The following CSMD3 variants were observed in gnomAD, a reference collection of about 807,000 sequenced individuals.
The protein encoded by CSMD3 is CUB and sushi domain-containing protein 3.
In CSMD3, 177 loss-of-function variants were observed where a neutral mutation model predicts 435.2. That is an observed-to-expected ratio of 0.41 (90% CI 0.36 to 0.46). The LOEUF (loss-of-function observed/expected upper bound fraction) is 0.46, where lower values mean the gene tolerates loss of function less well. Ranked by LOEUF, CSMD3 falls within the 20% of genes least tolerant of loss-of-function variation. The pLI, the probability that CSMD3 is intolerant of heterozygous loss-of-function variation, is 0.34. For synonymous variants in CSMD3, 1,656 were observed against 1,520.5 expected, an observed-to-expected ratio of 1.09 and a Z score of -2.07; for missense variants, 4,265 against 4,504.6, an observed-to-expected ratio of 0.95 and a Z score of 1.52.
At chr8:112,912,573 T>C (rs1022651243) in intron 10 of CSMD3, among the ~76,000 whole-genome samples, 1 of 151,944 alleles carries the variant, frequency 6.6e-6, no homozygotes, top group Non-Finnish European at 1.5e-5. Context: ...TCAAATGGAT[T>C]AAATAGTTAA....
intron 61 of CSMD3, among the ~76,000 whole-genome samples, chr8:112,263,080 C>T (rs1816579849): frequency 1.3e-5 from 2 of 149,762 alleles, no homozygotes; most frequent in Admixed American, 6.7e-5. Context: ...GTTTTGTGTT[C>T]TTCCAAATTA....
At chr8:112,686,419 ATGAC>A (rs2076012333) in intron 14 of CSMD3, among the ~76,000 whole-genome samples, 1 of 152,188 alleles carries the variant, frequency 6.6e-6, no homozygotes, top group African/African-American at 2.4e-5. Context: ...AGAAAAGAAA[ATGAC>A]ATACTACTCA....
At chr8:112,823,894 C>T (rs1046865466) in intron 12 of CSMD3, among the ~76,000 whole-genome samples, 2 of 152,000 alleles carry the variant, frequency 1.3e-5, no homozygotes, top group Non-Finnish European at 2.9e-5. Flanking sequence ...TTCTCTCTCA[C>T]TGATATATCT....
At chr8:113,378,106 TAGAC>T (rs1290315140) in intron 1 of CSMD3, among the ~76,000 whole-genome samples, 1 of 152,132 alleles carries the variant, frequency 6.6e-6, no homozygotes, top group Non-Finnish European at 1.5e-5. Flanking sequence ...TAATATAACA[TAGAC>T]AGAAAACATC....
At chr8:112,988,708 G>T (rs1347689686) in intron 6 of CSMD3, among the ~76,000 whole-genome samples, 1 of 151,860 alleles carries the variant, frequency 6.6e-6, no homozygotes, top group African/African-American at 2.4e-5. Context: ...TTTTTTCCCA[G>T]TCACACATCA....
At chr8:112,364,078 C>A (rs1827518620) in intron 38 of CSMD3, among the ~76,000 whole-genome samples, 1 of 151,918 alleles carries the variant, frequency 6.6e-6, no homozygotes, top group South Asian at 2.1e-4. Context: ...TCATTAAGAA[C>A]TAATGCATTA....
chr8:112,604,890 A>T (rs1832671565), intron 22 of CSMD3, among the ~76,000 whole-genome samples: 1 of 151,980 alleles, frequency 6.6e-6, no homozygotes, highest in African/African-American at 2.4e-5. Context: ...CATGAATCTG[A>T]CAAAGGTCTA....
chr8:112,655,972 G>A (rs192872541), intron 18 of CSMD3, among the ~76,000 whole-genome samples, 182 bp downstream of exon 18: 1 of 152,054 alleles, frequency 6.6e-6, no homozygotes, highest in East Asian at 1.9e-4. Flanking sequence ...GATAGATATT[G>A]CTGGAAAATC....
chr8:113,330,698 G>A (rs1422910674), intron 1 of CSMD3, among the ~76,000 whole-genome samples: 1 of 151,680 alleles, frequency 6.6e-6, no homozygotes, highest in African/African-American at 2.4e-5. Flanking sequence ...AGAGGTAAAT[G>A]AATACTTTTA....
At chr8:112,480,808 C>G (rs946003317) in intron 31 of CSMD3, among the ~76,000 whole-genome samples, 3 of 152,172 alleles carry the variant, frequency 2.0e-5, no homozygotes, top group Admixed American at 1.3e-4. Flanking sequence ...TCAGGTACTC[C>G]TTTATAGTAA....
chr8:112,847,795 AT>A (rs892047696), intron 11 of CSMD3, among the ~76,000 whole-genome samples: 2 of 152,284 alleles, frequency 1.3e-5, no homozygotes, highest in African/African-American at 4.8e-5. Flanking sequence ...AGTGACAAGA[AT>A]TGTTCAGATG....
chr8:112,364,297 A>G (rs1025006816), intron 38 of CSMD3, among the ~76,000 whole-genome samples: 7 of 151,940 alleles, frequency 4.6e-5, no homozygotes, highest in African/African-American at 1.7e-4. Context: ...TTTTACTGAA[A>G]ATTATAATCA....
At chr8:112,477,878 G>A (rs1049364683) in intron 31 of CSMD3, among the ~76,000 whole-genome samples, 4 of 152,196 alleles carry the variant, frequency 2.6e-5, no homozygotes, top group Admixed American at 6.5e-5. Flanking sequence ...TGGTTTGGCT[G>A]TGTCCCCAGC....
intron 5 of CSMD3, among the ~76,000 whole-genome samples, chr8:113,070,474 A>G (rs987612443): frequency 3.9e-5 from 6 of 152,004 alleles, no homozygotes; most frequent in Admixed American, 3.9e-4. Flanking sequence ...CTTAAGATCT[A>G]TCATCTTAGC....
Position 113,269,161 on chromosome 8 carries a change from A to T in CSMD3, c.514+9431T>A, listed in dbSNP as rs567872085. On this transcript the variant is annotated intron_variant, in intron 3 of 70. Coordinates refer to ENST00000297405, the MANE Select transcript of CSMD3 (RefSeq NM_198123.2). The stretch of plus-strand genomic sequence containing the variant: ...AATAAAATTTTTAGCACCTGTTATG[A>T]TTTGCCTCTGTGTTCCCACCCAAAT... Among the ~76,000 whole-genome samples, 202 of 152,112 alleles carry T rather than the reference A, an allele frequency of 1.3e-3. 3 individuals are homozygous for T. Among genetic ancestry groups the T allele is most frequent in the African/African-American group, 4.7e-3 (194 of 41,540 alleles).
chr8:112,403,538 G>A (rs570347369), intron 35 of CSMD3, among the ~76,000 whole-genome samples: 14 of 152,168 alleles, frequency 9.2e-5, no homozygotes, highest in Non-Finnish European at 1.6e-4. Context: ...CAAGGTGCCA[G>A]CAGATGTAGT....
intron 22 of CSMD3, among the ~76,000 whole-genome samples, chr8:112,624,257 ATAT>A (rs1563780886): frequency 1.3e-5 from 2 of 152,096 alleles, no homozygotes; most frequent in African/African-American, 2.4e-5. Context: ...AATGACTTAA[ATAT>A]TATAGAAATC....
At chr8:113,303,838 C>T (rs973076822) in intron 2 of CSMD3, among the ~76,000 whole-genome samples, 3 of 139,908 alleles carry the variant, frequency 2.1e-5, no homozygotes, top group Non-Finnish European at 4.6e-5. Context: ...TTACCATTCA[C>T]GACATAGGCA....
intron 9 of CSMD3, among the ~76,000 whole-genome samples, chr8:112,945,558 T>C (rs1231558745): frequency 6.7e-6 from 1 of 150,204 alleles, no homozygotes; most frequent in African/African-American, 2.4e-5. Context: ...TAGGTTTAAG[T>C]TGCCAAATAT....
Sources: gnomAD v4.1 joint callset for allele counts (sites outside exome capture counted in the v4.1 genomes callset) on GRCh38, gnomAD v4.1.1 for gene constraint, MANE v1.5 for transcripts, NCBI Gene and HGNC (gene_info 2026-07-23, HGNC 2026-07-21) for gene names.